TNFRSF10B: variants seen among roughly 807,000 people sequenced by gnomAD.
TNFRSF10B encodes the protein tumor necrosis factor receptor superfamily member 10B.
Under a neutral mutation model 41.4 loss-of-function variants are expected in TNFRSF10B, and 35 were observed. The ratio of observed to expected loss-of-function variants is 0.85; its 90% CI spans 0.65 to 1.12. The LOEUF (loss-of-function observed/expected upper bound fraction) is 1.12, where lower values mean the gene tolerates loss of function less well. Ranked by LOEUF, TNFRSF10B falls within the 50% of genes most tolerant of loss-of-function variation. The pLI, the probability that TNFRSF10B is intolerant of heterozygous loss-of-function variation, is 0.00. For synonymous variants in TNFRSF10B, 230 were observed against 215.5 expected, an observed-to-expected ratio of 1.07 and a Z score of -0.59; for missense variants, 584 against 552.7, an observed-to-expected ratio of 1.06 and a Z score of -0.57.
At chr8:23,043,965 G>T (rs1224484400) in intron 1 of TNFRSF10B, among the ~76,000 whole-genome samples, 1 of 152,182 alleles carries the variant, frequency 6.6e-6, no homozygotes, top group Non-Finnish European at 1.5e-5. Context: ...ATTGCATGGA[G>T]CCACCATCAC....
At chr8:23,032,382 T>C (rs1179936789) in intron 2 of TNFRSF10B, among the ~76,000 whole-genome samples, 1 of 152,202 alleles carries the variant, frequency 6.6e-6, no homozygotes, top group African/African-American at 2.4e-5. Flanking sequence ...GGAATCTCTA[T>C]AGAGTCAAAG....
chr8:23,027,292 G>GA lies in TNFRSF10B; in HGVS notation c.781-5dup, dbSNP rs759282754. ...CAGCCCCAGGTCGTTGTGAGCTCTGGAAAAAGACATTGGGAAGGCAAAAAG... is the reference window on the plus strand; with the variant it reads ...CAGCCCCAGGTCGTTGTGAGCTCTGGAAAAAAGACATTGGGAAGGCAAAAAG... On this transcript the variant is annotated splice_polypyrimidine_tract_variant and splice_region_variant and intron_variant, in intron 6 of 8. Transcript: ENST00000276431. The GA allele has an allele frequency of 1.9e-6, 3 of 1,614,036 alleles. No homozygotes were observed. Among genetic ancestry groups the GA allele is most frequent in the Non-Finnish European group, 2.5e-6 (3 of 1,180,018 alleles).
chr8:23,028,041 A>C (rs1234157692), intron 5 of TNFRSF10B: 2 of 599,130 alleles, frequency 3.3e-6, no homozygotes, highest in African/African-American at 3.7e-5. Flanking sequence ...CCAGTTGAGG[A>C]GCCGACTGCC....
At chr8:23,049,824 G>A (rs185497108) in intron 1 of TNFRSF10B, 20 of 152,238 alleles carry the variant, frequency 1.3e-4, no homozygotes, top group Admixed American at 3.3e-4. Flanking sequence ...CTTCTTATTG[G>A]GCAGCGAGAT....
At chr8:23,023,073 G>A (rs1274038803) in intron 8 of TNFRSF10B, 89 bp from the exon 9 acceptor site, 6 of 1,510,172 alleles carry the variant, frequency 4.0e-6, no homozygotes, top group Non-Finnish European at 5.4e-6. Context: ...CCAAGGCGGG[G>A]AACCTGGAGA....
intron 1 of TNFRSF10B, among the ~76,000 whole-genome samples, chr8:23,064,505 C>A (rs933611989): frequency 3.9e-5 from 6 of 152,080 alleles, no homozygotes; most frequent in African/African-American, 7.2e-5. Flanking sequence ...ATGGGGGTGT[C>A]CATGGGCATG....
chr8:23,049,231 A>C (rs999709215), intron 1 of TNFRSF10B, among the ~76,000 whole-genome samples: 1 of 152,178 alleles, frequency 6.6e-6, no homozygotes, highest in African/African-American at 2.4e-5. Flanking sequence ...TTAAAAGCTA[A>C]AAAAAGCCAG....
In TNFRSF10B at chr8:23,027,306, G is replaced by C. The variant is rs1247237842; in HGVS notation, c.781-18C>G. On this transcript the variant is annotated intron_variant, in intron 6 of 8. Coordinates refer to ENST00000276431, the MANE Select transcript of TNFRSF10B (RefSeq NM_003842.5). ...TGTGAGCTCTGGAAAAAGACATTGG[G>C]AAGGCAAAAAGCCGACTCAGGAGTC... 1 of 1,613,898 alleles carries C rather than the reference G, an allele frequency of 6.2e-7. No homozygotes were observed. Among genetic ancestry groups the C allele is most frequent in the Non-Finnish European group, 8.5e-7 (1 of 1,180,006 alleles).
intron 2 of TNFRSF10B, among the ~76,000 whole-genome samples, chr8:23,031,420 G>T (rs1337077821): frequency 1.6e-5 from 2 of 126,852 alleles, no homozygotes; most frequent in African/African-American, 5.7e-5. Context: ...TTTAGACAGG[G>T]TCTTGCTCTA....
In TNFRSF10B at chr8:23,021,931, T is replaced by C. The variant is rs1365611901; in HGVS notation, c.*740A>G. 2.2e-6 allele frequency: 1 copy of C among 453,144 alleles called. No homozygotes were observed. The highest frequency in any genetic ancestry group is 1.6e-5 in the South Asian group (1 of 64,334). The allele number at this position is 453,144 out of a possible 1,614,324, so 28.1% of individuals were successfully genotyped here. ...AAGTACATTTACTAAAGTTTCTTCA[T>C]GTTCATAAAATAATAACATACAGAA... On this transcript the variant is annotated 3_prime_UTR_variant, in exon 9 of 9. Coordinates refer to ENST00000276431, the MANE Select transcript of TNFRSF10B (RefSeq NM_003842.5).
At chr8:23,025,773 C>T (rs1312103461) in intron 7 of TNFRSF10B, among the ~76,000 whole-genome samples, 1 of 152,062 alleles carries the variant, frequency 6.6e-6, no homozygotes, top group African/African-American at 2.4e-5. Context: ...CTATGGGTGA[C>T]CTGCTTTCAA....
At chr8:23,048,202 G>A (rs1262071955) in intron 1 of TNFRSF10B, among the ~76,000 whole-genome samples, 1 of 152,152 alleles carries the variant, frequency 6.6e-6, no homozygotes, top group East Asian at 1.9e-4. Context: ...GGAGGCCAAG[G>A]TAGGGTGTGG....
At chr8:23,048,335 C>A (rs1172634199) in intron 1 of TNFRSF10B, among the ~76,000 whole-genome samples, 2 of 150,562 alleles carry the variant, frequency 1.3e-5, no homozygotes, top group African/African-American at 4.9e-5. Flanking sequence ...ACTCAGGAGG[C>A]TAAGGCAGGA....
chr8:23,043,800 C>T (rs1449648540), intron 1 of TNFRSF10B, among the ~76,000 whole-genome samples: 1 of 152,190 alleles, frequency 6.6e-6, no homozygotes, highest in Non-Finnish European at 1.5e-5. Context: ...TATTGCTCAA[C>T]ATTGTTCTGA....
chr8:23,061,318 G>C (rs1356969501), intron 1 of TNFRSF10B, among the ~76,000 whole-genome samples: 1 of 152,132 alleles, frequency 6.6e-6, no homozygotes, highest in Non-Finnish European at 1.5e-5. Context: ...TGTAAGGCAA[G>C]TTTCTTACCA....
chr8:23,045,388 G>A (rs1812330073), intron 1 of TNFRSF10B, among the ~76,000 whole-genome samples: 1 of 152,150 alleles, frequency 6.6e-6, no homozygotes, highest in African/African-American at 2.4e-5. Context: ...GAATCATGAA[G>A]AAATGGAAAA....
At chr8:23,067,262 G>A (rs756992039) in intron 1 of TNFRSF10B, among the ~76,000 whole-genome samples, 20 of 151,742 alleles carry the variant, frequency 1.3e-4, no homozygotes, top group Admixed American at 3.9e-4. Context: ...ACAGGCATGA[G>A]CTACCAGACC....
Position 23,068,306 on chromosome 8 carries a change from C to G in TNFRSF10B, c.144+445G>C. The stretch of plus-strand genomic sequence containing the variant: ...CAGGTTCAAAGCGATCTGCAATGAG[C>G]GCCTTTAGGAATTCATTCGAAGGCG... On this transcript the variant is annotated intron_variant, in intron 1 of 8. Coordinates refer to ENST00000276431, the MANE Select transcript of TNFRSF10B (RefSeq NM_003842.5). 4 of 203,264 alleles carry G rather than the reference C, an allele frequency of 2.0e-5. No individual in the cohort carries two copies. In the South Asian group the frequency reaches 2.9e-4, roughly 15 times the overall value. 12.6% of individuals were successfully genotyped at this position (203,264 alleles called of 1,614,324 possible).
chr8:23,029,694 G>T lies in TNFRSF10B; in HGVS notation c.392C>A (p.Thr131Lys). 6.2e-7 allele frequency: 1 copy of T among 1,613,956 alleles called. No homozygotes were observed. The highest frequency in any genetic ancestry group is 2.2e-5 in the East Asian group (1 of 44,886). Residue 131 changes from threonine (T) to lysine (K), a missense_variant, in exon 4 of 9, where the codon ACG becomes AAG. Coordinates refer to ENST00000276431, the MANE Select transcript of TNFRSF10B (RefSeq NM_003842.5). ...SGEVELSPCT[T>K]TRNTVCQCEE... ...GCACTGACACACTGTGTTTCTGGTC[G>T]TGGTGCAGGGACTTAGCTCCACTTC...
Sources: allele counts gnomAD v4.1 joint callset (sites outside exome capture counted in the v4.1 genomes callset), GRCh38; gene constraint gnomAD v4.1.1; transcripts MANE v1.5; gene names NCBI Gene and HGNC (gene_info 2026-07-23, HGNC 2026-07-21).